TPRA1: variants seen among roughly 807,000 people sequenced by gnomAD.
TPRA1 encodes the protein transmembrane protein adipocyte-associated 1.
In TPRA1, 28 loss-of-function variants were observed where a neutral mutation model predicts 40.1. That is an observed-to-expected ratio of 0.70 (90% CI 0.52 to 0.96). The LOEUF (loss-of-function observed/expected upper bound fraction) is 0.96. Among genes scored for constraint, TPRA1 ranks in the 40% least tolerant of loss-of-function variants. The pLI, the probability that TPRA1 is intolerant of heterozygous loss-of-function variation, is 0.00. For missense variants in TPRA1, 441 were observed against 482.6 expected, an observed-to-expected ratio of 0.91 and a Z score of 0.81; for synonymous variants, 219 against 209.7, an observed-to-expected ratio of 1.04 and a Z score of -0.38.
chr3:127,591,369 T>G (rs985920508), upstream of TPRA1, among the ~76,000 whole-genome samples: 1 of 152,188 alleles, frequency 6.6e-6, no homozygotes, highest in Non-Finnish European at 1.5e-5. Flanking sequence ...AGAGGTCAAA[T>G]AACTTGACCA....
rs112628498 is a variant in TPRA1 at position 127,589,687 on chromosome 3, ACCT to A, written c.-18+720_-18+722del. 1.6e-3 allele frequency among the ~76,000 whole-genome samples: 235 copies of A among 151,120 alleles called. 4 individuals are homozygous for A. In the South Asian group the frequency reaches 0.022, roughly 14 times the overall value. ...GGCTCTCCCCCAGCTCTCTCCTGAC[ACCT>A]CCTCTGAGAAGCCTTCCCTTCTCAG... On this transcript the variant is annotated intron_variant, in intron 1 of 10. Transcript: ENST00000355552.
At chr3:127,577,209 G>T in intron 3 of TPRA1, 133 bp from the exon 4 acceptor site, 1 of 843,502 alleles carries the variant, frequency 1.2e-6, no homozygotes, top group Non-Finnish European at 1.9e-6. Flanking sequence ...CAAAGTCAGG[G>T]TGGGACACAG....
chr3:127,576,607 ACC>A lies in TPRA1; in HGVS notation c.498+8_498+9del. 7 of 1,590,908 alleles carry A rather than the reference ACC, an allele frequency of 4.4e-6. No homozygotes were observed. Among genetic ancestry groups the A allele is most frequent in the Non-Finnish European group, 2.6e-6 (3 of 1,167,842 alleles). ...CTCCTAGCGTCCCCTGCCCACACTC[ACC>A]CTCTTACCTGGGTGACAGAGTAGGC... On this transcript the variant is annotated splice_region_variant and intron_variant, in intron 6 of 10. Coordinates refer to ENST00000355552, the MANE Select transcript of TPRA1 (RefSeq NM_001136053.4). This position sits in a 1 kb window ranked among gnomAD's most constrained non-coding sequence, Gnocchi z 4.6.
rs372912914 is a variant in TPRA1 at position 127,575,398 on chromosome 3, C to T, written c.773+5G>A. On this transcript the variant is annotated splice_donor_5th_base_variant and intron_variant, in intron 9 of 10. Transcript: ENST00000355552. ...CGAGGCAGACACCCTGCGGCCCCCA[C>T]GCACCAGAGCCCCTCGATGATGTCG... The T allele has an allele frequency of 1.5e-4, 232 of 1,577,686 alleles. No homozygotes were observed. Among genetic ancestry groups the T allele is most frequent in the Non-Finnish European group, 1.7e-4 (203 of 1,162,352 alleles).
chr3:127,584,133 T>TG lies in TPRA1; in HGVS notation c.-17-3971dup, dbSNP rs377637493. On this transcript the variant is annotated intron_variant, in intron 1 of 10. Transcript: ENST00000355552. ...GAAAACCCTATTTAAAAAGCAAACTTGGAAAAAAAAAAAAAAGCAAACTTG... is the reference window on the plus strand; with the variant it reads ...GAAAACCCTATTTAAAAAGCAAACTTGGGAAAAAAAAAAAAAAGCAAACTTG... 2.9e-3 allele frequency among the ~76,000 whole-genome samples: 405 copies of TG among 141,752 alleles called. 1 individual carries two copies. The highest frequency in any genetic ancestry group is 0.01 in the African/African-American group (390 of 37,840). 93.0% of individuals were successfully genotyped at this position (141,752 alleles called of 152,430 possible).
At chr3:127,574,261 G>T (rs1024708256) in intron 10 of TPRA1, among the ~76,000 whole-genome samples, 1 of 152,246 alleles carries the variant, frequency 6.6e-6, no homozygotes, top group Non-Finnish European at 1.5e-5. Context: ...TGAGGCTCAG[G>T]GGAGAAATTG....
intron 1 of TPRA1, among the ~76,000 whole-genome samples, chr3:127,580,672 C>A (rs2073803642): frequency 6.6e-6 from 1 of 152,284 alleles, no homozygotes; most frequent in South Asian, 2.1e-4. Context: ...ACCTGCCACA[C>A]CATGCAGAAC....
At chr3:127,580,186 G>C in intron 1 of TPRA1, 23 bp from the exon 2 acceptor site, 1 of 1,600,990 alleles carries the variant, frequency 6.2e-7, no homozygotes, top group Non-Finnish European at 8.5e-7. Context: ...GAGCCGCCCA[G>C]TGAGCTGTGT....
At chr3:127,575,692 G>A (rs1425285698) in intron 8 of TPRA1, 57 bp downstream of exon 8, 9 of 1,581,474 alleles carry the variant, frequency 5.7e-6, no homozygotes, top group African/African-American at 1.3e-5. Context: ...CTCTACAGTG[G>A]CCCGGTAGAC....
Position 127,572,594 on chromosome 3 carries a change from G to A in TPRA1, c.*927C>T, listed in dbSNP as rs2073406913. Among the ~76,000 whole-genome samples the A allele has an allele frequency of 6.6e-6, 1 of 152,162 alleles. No homozygotes were observed. Among genetic ancestry groups the A allele is most frequent in the Admixed American group, 6.5e-5 (1 of 15,284 alleles). ...CTGCTGGGGGCCTACTATGTGCCAA[G>A]CACTATTCTTGAGGCTAAAAATAAG... On this transcript the variant is annotated 3_prime_UTR_variant, in exon 11 of 11. Transcript: ENST00000355552.
chr3:127,580,473 T>G (rs1005745935), intron 1 of TPRA1: 4 of 298,316 alleles, frequency 1.3e-5, no homozygotes, highest in African/African-American at 8.6e-5. Flanking sequence ...TGAGGGCCCA[T>G]GAGAGCAGCG....
Position 127,573,425 on chromosome 3 carries a change from C to T in TPRA1, c.*96G>A. Reference sequence around the variant, plus strand: ...AACAGGGCCACACAGGGCTACTGCCCACAGAACGTCCCTTGACCTGGTCCT... The same window carrying T: ...AACAGGGCCACACAGGGCTACTGCCTACAGAACGTCCCTTGACCTGGTCCT... On this transcript the variant is annotated 3_prime_UTR_variant, in exon 11 of 11. Coordinates refer to ENST00000355552, the MANE Select transcript of TPRA1 (RefSeq NM_001136053.4). 2 of 1,462,042 alleles carry T rather than the reference C, an allele frequency of 1.4e-6. No individual in the cohort carries two copies. Among genetic ancestry groups the T allele is most frequent in the South Asian group, 1.3e-5 (1 of 74,720 alleles). 90.6% of individuals were successfully genotyped at this position (1,462,042 alleles called of 1,614,324 possible).
At position 127,589,023 on chromosome 3, in the gene TPRA1, T is replaced by G. The variant is rs939926100; in HGVS notation, c.-18+1387A>C. Among the ~76,000 whole-genome samples, 3 of 143,524 alleles carry G rather than the reference T, an allele frequency of 2.1e-5. No homozygotes were observed. The South Asian group carries it at 6.9e-4, about 33-fold the overall frequency. The allele number at this position is 143,524 out of a possible 152,430, so 94.2% of individuals were successfully genotyped here. On this transcript the variant is annotated intron_variant, in intron 1 of 10. Coordinates refer to ENST00000355552, the MANE Select transcript of TPRA1 (RefSeq NM_001136053.4). ...GAGAAGGGGTGGAGCCCAGGGGTGA[T>G]TCTCAGAGGAGGAATTCCTGCGGTG... is the stretch of plus-strand genomic sequence containing the variant.
At position 127,573,199 on chromosome 3, in the gene TPRA1, C is replaced by A. The variant is rs1472190385; in HGVS notation, c.*322G>T. The A allele has an allele frequency of 2.2e-5, 6 of 276,356 alleles. No homozygotes were observed. The East Asian group carries it at 3.8e-4, about 18-fold the overall frequency. 17.1% of individuals were successfully genotyped at this position (276,356 alleles called of 1,614,324 possible). ...GGGATGGAGGCATTGGGAGAGCCAG[C>A]CCTGCCCTCGTGCCAAGGGTGCAGA... On this transcript the variant is annotated 3_prime_UTR_variant, in exon 11 of 11. Transcript: ENST00000355552.
chr3:127,573,749 C>A lies in TPRA1; in HGVS notation c.894G>T (p.Val298=). Residue 298 remains valine (V), a synonymous_variant, in exon 11 of 11, where the codon GTG becomes GTT. Transcript: ENST00000355552. ...PKILFSYKCQ[V]DETEEPDVHL... The stretch of plus-strand genomic sequence containing the variant: ...GTACATCTGGCTCCTCTGTCTCGTC[C>A]ACTTGGCATTTGTAGGAGAAGAGGA... The A allele has an allele frequency of 6.3e-7, 1 of 1,589,612 alleles. No individual in the cohort carries two copies.
At chr3:127,594,670 A>G (rs1323734890), upstream of TPRA1, 1 of 152,252 alleles carries the variant, frequency 6.6e-6, no homozygotes, top group Non-Finnish European at 1.5e-5. Context: ...GTACATCCAC[A>G]TCACCTACCA....
chr3:127,575,435 C>G lies in TPRA1; in HGVS notation c.741G>C (p.Val247=), dbSNP rs565416593. ...LLNLLQGLGS[V]LLCFDIIEGL... ...CCTCGATGATGTCGAAGCACAGCAG[C>G]ACACTCCCCAGCCCCTGCAGTAGGT... Residue 247 remains valine, a synonymous_variant, in exon 9 of 11, where the codon GTG becomes GTC. Coordinates refer to ENST00000355552, the MANE Select transcript of TPRA1 (RefSeq NM_001136053.4). 14 of 1,601,566 alleles carry G rather than the reference C, an allele frequency of 8.7e-6. No homozygotes were observed. The African/African-American group carries it at 1.7e-4, about 20-fold the overall frequency.
At chr3:127,597,781 G>A (rs925094998) in intron 1 of TPRA1, among the ~76,000 whole-genome samples, 3 of 151,712 alleles carry the variant, frequency 2.0e-5, no homozygotes, top group Admixed American at 1.3e-4. Context: ...GGTAAGAAGC[G>A]TCAGAAAACC....
At chr3:127,586,699 C>T (rs906309529) in intron 1 of TPRA1, among the ~76,000 whole-genome samples, 6 of 152,192 alleles carry the variant, frequency 3.9e-5, no homozygotes, top group Non-Finnish European at 7.3e-5. Context: ...GCAGAGTGAA[C>T]GCCTGGTCCT....
Sources: gnomAD v4.1 joint callset for allele counts (sites outside exome capture counted in the v4.1 genomes callset) on GRCh38, gnomAD v4.1.1 for gene constraint, Gnocchi (gnomAD v3.1) non-coding constraint, MANE v1.5 for transcripts, NCBI Gene and HGNC (gene_info 2026-07-23, HGNC 2026-07-21) for gene names.